The following TSPAN14 variants were observed in gnomAD, a reference collection of about 807,000 sequenced individuals.
The protein encoded by TSPAN14 is tetraspanin 14.
A neutral mutation model predicts 36.6 loss-of-function variants in TSPAN14; 16 were observed. That is an observed-to-expected ratio of 0.44 (90% CI 0.30 to 0.66). The LOEUF (loss-of-function observed/expected upper bound fraction) is 0.66, where lower values mean the gene tolerates loss of function less well. Ranked by LOEUF, TSPAN14 falls within the 30% of genes least tolerant of loss-of-function variation. TSPAN14 has a pLI of 0.12. For synonymous variants in TSPAN14, 139 were observed against 143.8 expected (o/e 0.97, Z 0.24); for missense variants, 231 against 355.1 (o/e 0.65, Z 2.81).
intron 7 of TSPAN14, 147 bp from the exon 8 acceptor site, chr10:80,516,057 G>T: frequency 2.5e-6 from 3 of 1,194,362 alleles, no homozygotes; most frequent in Non-Finnish European, 3.5e-6. Context: ...GAGCTGACGA[G>T]CATCTCCTGG....
intron 2 of TSPAN14, among the ~76,000 whole-genome samples, chr10:80,496,512 A>C (rs1401178154): frequency 1.3e-5 from 2 of 152,050 alleles, no homozygotes; most frequent in Non-Finnish European, 2.9e-5. Flanking sequence ...TGGGCCTTTG[A>C]GATTTGTGGG....
intron 1 of TSPAN14, among the ~76,000 whole-genome samples, chr10:80,482,093 C>G (rs1308042064): frequency 6.6e-6 from 1 of 152,232 alleles, no homozygotes; most frequent in East Asian, 1.9e-4. Context: ...GTGTAAACAT[C>G]AAGAGTCAGC....
At chr10:80,505,547 C>CT (rs1840241533) in intron 3 of TSPAN14, among the ~76,000 whole-genome samples, 1 of 152,232 alleles carries the variant, frequency 6.6e-6, no homozygotes, top group Non-Finnish European at 1.5e-5. Context: ...TGGAACCTCC[C>CT]TTTGCTTCCA....
chr10:80,478,345 C>T (rs141408050), intron 1 of TSPAN14, among the ~76,000 whole-genome samples: 34 of 152,034 alleles, frequency 2.2e-4, no homozygotes, highest in African/African-American at 8.2e-4. Flanking sequence ...ATAAATAAGG[C>T]AGAAAAGGTA....
intron 1 of TSPAN14, among the ~76,000 whole-genome samples, chr10:80,479,342 G>A (rs2131989942): frequency 6.6e-6 from 1 of 151,610 alleles, no homozygotes; most frequent in South Asian, 2.1e-4. Flanking sequence ...ATTGCTTTTG[G>A]TGTTTTAGAC....
chr10:80,481,988 C>T (rs759726666), intron 1 of TSPAN14, among the ~76,000 whole-genome samples: 15 of 152,044 alleles, frequency 9.9e-5, no homozygotes, highest in Non-Finnish European at 1.6e-4. Context: ...CTCCTGACCT[C>T]GTGATCCTCC....
At chr10:80,511,740 C>CCCCTTT in intron 5 of TSPAN14, among the ~76,000 whole-genome samples, 1 of 141,620 alleles carries the variant, frequency 7.1e-6, no homozygotes, top group Non-Finnish European at 1.6e-5. Flanking sequence ...CTCTCTCTCT[C>CCCCTTT]TCTCTCTCTC....
intron 1 of TSPAN14, among the ~76,000 whole-genome samples, chr10:80,456,281 G>A (rs763539412): frequency 1.3e-5 from 2 of 152,196 alleles, no homozygotes; most frequent in African/African-American, 2.4e-5. Context: ...GCCCATGGGT[G>A]CTTCTGAAGG....
At chr10:80,477,606 G>C (rs1160131850) in intron 1 of TSPAN14, among the ~76,000 whole-genome samples, 3 of 152,118 alleles carry the variant, frequency 2.0e-5, no homozygotes, top group Non-Finnish European at 4.4e-5. Flanking sequence ...GGGGAACGTG[G>C]GCATCAGAGG....
chr10:80,519,446 C>T (rs75722478), exon 9 of TSPAN14: 1 of 152,544 alleles, frequency 6.6e-6, no homozygotes, highest in African/African-American at 2.4e-5. Context: ...CAGGGATGGA[C>T]TGCAACCTTA....
rs1375570464 is a variant in TSPAN14, at chr10:80,511,679, A to G, written c.451-465A>G. On this transcript the variant is annotated intron_variant, in intron 5 of 8. Transcript: ENST00000429989. ...CCTTCACTGCCATTTCCTTTTTGTT[A>G]TTATTTTCTTTAACACATCAAAAGG... 6.6e-5 allele frequency among the ~76,000 whole-genome samples: 5 copies of G among 75,616 alleles called. No individual in the cohort carries two copies. In the South Asian group the frequency reaches 2.1e-3, roughly 32 times the overall value. The allele number at this position is 75,616 out of a possible 152,430, so 49.6% of individuals were successfully genotyped here.
chr10:80,518,286 C>A, exon 9 of TSPAN14: 1 of 433,042 alleles, frequency 2.3e-6, no homozygotes, highest in South Asian at 2.5e-5. Context: ...GGGCTTGACT[C>A]AGACCCCCTG....
chr10:80,508,119 CTT>C (rs60175951), intron 4 of TSPAN14, among the ~76,000 whole-genome samples: 15 of 133,578 alleles, frequency 1.1e-4, no homozygotes, highest in Non-Finnish European at 1.1e-4. Flanking sequence ...CTTTTCTTTT[CTT>C]TTTTTTTTTT....
exon 2 of TSPAN14, chr10:80,489,252 T>G (rs1472523839): frequency 6.3e-7 from 1 of 1,584,744 alleles, no homozygotes; most frequent in Non-Finnish European, 8.6e-7. Context: ...TTATAGATAC[T>G]CTAACGCCAA....
chr10:80,485,303 G>A (rs1847526904), intron 1 of TSPAN14, among the ~76,000 whole-genome samples: 1 of 152,180 alleles, frequency 6.6e-6, no homozygotes, highest in Non-Finnish European at 1.5e-5. Flanking sequence ...TTTAGCAAAT[G>A]AGGTGAGATG....
chr10:80,505,908 T>G (rs570375129), intron 3 of TSPAN14, among the ~76,000 whole-genome samples: 1 of 152,356 alleles, frequency 6.6e-6, no homozygotes, highest in South Asian at 2.1e-4. Context: ...AGGACAGGCC[T>G]ACCCAGGAAG....
intron 1 of TSPAN14, among the ~76,000 whole-genome samples, chr10:80,480,274 A>G (rs1488049207): frequency 2.0e-5 from 3 of 151,802 alleles, no homozygotes; most frequent in Non-Finnish European, 2.9e-5. Flanking sequence ...TCCTAATTGA[A>G]TACCCTTTAT....
intron 1 of TSPAN14, among the ~76,000 whole-genome samples, chr10:80,471,209 A>T (rs1018848563): frequency 7.2e-5 from 11 of 151,890 alleles, no homozygotes; most frequent in Admixed American, 2.6e-4. Flanking sequence ...TCGGTGTCTT[A>T]CATGCAGCAG....
intron 1 of TSPAN14, among the ~76,000 whole-genome samples, chr10:80,463,662 T>G (rs1296403135): frequency 6.6e-6 from 1 of 152,238 alleles, no homozygotes; most frequent in Non-Finnish European, 1.5e-5. Flanking sequence ...GAGGTTGCTT[T>G]CAGTGTTTTG....
Sources: gnomAD v4.1 joint callset for allele counts (sites outside exome capture counted in the v4.1 genomes callset) on GRCh38, gnomAD v4.1.1 for gene constraint, MANE v1.5 for transcripts, NCBI Gene and HGNC (gene_info 2026-07-23, HGNC 2026-07-21) for gene names.